SLC9A6: variants seen among roughly 807,000 people sequenced by gnomAD.
The protein encoded by SLC9A6 is sodium/hydrogen exchanger 6.
In SLC9A6, 6 loss-of-function variants were observed where a neutral mutation model predicts 45.3. The ratio of observed to expected loss-of-function variants is 0.13; its 90% CI spans 0.07 to 0.26. SLC9A6 has a LOEUF of 0.26. SLC9A6 is among the 10% of genes least tolerant of loss of function. The pLI, the probability that SLC9A6 is intolerant of heterozygous loss-of-function variation, is 1.00. For synonymous variants in SLC9A6, 191 were observed against 187.7 expected, an observed-to-expected ratio of 1.02 and a Z score of -0.14; for missense variants, 278 against 503.7, an observed-to-expected ratio of 0.55 and a Z score of 4.29.
At chrX:135,981,926 C>T (rs916922710), upstream of SLC9A6, among the ~76,000 whole-genome samples, 3 of 112,444 alleles carry the variant, frequency 2.7e-5, no homozygotes, top group Non-Finnish European at 5.6e-5. Context: ...GTCTCTTTTG[C>T]AACTGCTCAA....
intron 1 of SLC9A6, among the ~76,000 whole-genome samples, chrX:135,976,468 G>C (rs1556613364): frequency 2.7e-5 from 3 of 110,024 alleles, no homozygotes; most frequent in East Asian, 2.8e-4. Flanking sequence ...CGGGCGTGGT[G>C]GTGGGCCCCT....
At position 135,985,612 on chromosome X, in the gene SLC9A6, T is replaced by C. The variant is rs1556614753; in HGVS notation, c.-47T>C. 7 of 1,209,420 alleles carry C rather than the reference T, an allele frequency of 5.8e-6. No homozygotes were observed. The highest frequency in any genetic ancestry group is 7.8e-6 in the Non-Finnish European group (7 of 894,630). Reference sequence around the variant, plus strand: ...TGGTTGCTCCTCGCAGTGGGCGTCTTTGACTGGGCAGGGGCTTCGGACGGC... The same window carrying C: ...TGGTTGCTCCTCGCAGTGGGCGTCTCTGACTGGGCAGGGGCTTCGGACGGC... On this transcript the variant is annotated 5_prime_UTR_variant, in exon 2 of 18. Transcript: ENST00000630721.
chrX:136,018,685 G>A (rs2071067437), intron 11 of SLC9A6, among the ~76,000 whole-genome samples: 1 of 111,574 alleles, frequency 9.0e-6, no homozygotes, highest in Non-Finnish European at 1.9e-5. Context: ...AATATGGAAG[G>A]AGCAATTGTG....
intron 2 of SLC9A6, among the ~76,000 whole-genome samples, chrX:135,992,164 C>T (rs2089442601): frequency 8.9e-6 from 1 of 111,774 alleles, no homozygotes; most frequent in Non-Finnish European, 1.9e-5. Context: ...TCCTTGTTAT[C>T]CCCCTCGGTG....
At position 135,994,836 on chromosome X, in the gene SLC9A6, G is replaced by A. The variant is rs781798443; in HGVS notation, c.220G>A (p.Val74Ile). The change falls in exon 3 of 18, where the codon GTA becomes ATA. Residue 74 changes from valine (V) to isoleucine (I), a missense_variant. This residue lies in a region of SLC9A6 where 118 missense variants were observed against 209.9 expected (regional missense o/e 0.56). Coordinates refer to ENST00000630721, the MANE Select transcript of SLC9A6 (RefSeq NM_001379110.1). ...LRYGIHVPSD[V>I]NNVTLSCEVQ... is the part of the protein sequence containing the mutation. ...GTATGGCATTCATGTTCCGAGTGATGTAAATAATGTGACCCTGAGCTGTGA... is the reference window on the plus strand; with the variant it reads ...GTATGGCATTCATGTTCCGAGTGATATAAATAATGTGACCCTGAGCTGTGA... The A allele has an allele frequency of 1.3e-5, 16 of 1,209,637 alleles. No individual in the cohort carries two copies. In the East Asian group the frequency reaches 4.7e-4, roughly 36 times the overall value.
intron 15 of SLC9A6, among the ~76,000 whole-genome samples, chrX:136,031,751 G>A (rs782692043): frequency 1.8e-5 from 2 of 111,832 alleles, no homozygotes; most frequent in Non-Finnish European, 3.8e-5. Flanking sequence ...AGAAAGCACA[G>A]AGGAACCTTA....
intron 7 of SLC9A6, among the ~76,000 whole-genome samples, chrX:136,008,741 C>T (rs2070866147): frequency 9.0e-6 from 1 of 111,462 alleles, no homozygotes; most frequent in Non-Finnish European, 1.9e-5. Context: ...CATTTTATTA[C>T]TTTCAGGGTT....
chrX:136,014,866 A>G (rs1556619100), intron 10 of SLC9A6, among the ~76,000 whole-genome samples: 2 of 112,793 alleles, frequency 1.8e-5, no homozygotes, highest in Admixed American at 9.4e-5. Context: ...AAATATGAGG[A>G]ATAGGAATCC....
chrX:135,992,869 G>A (rs1477619635), intron 2 of SLC9A6, among the ~76,000 whole-genome samples: 2 of 111,665 alleles, frequency 1.8e-5, no homozygotes, highest in Non-Finnish European at 3.8e-5. Flanking sequence ...CAACTGGACC[G>A]AGTTTTCCTT....
At chrX:136,011,325 C>T (rs782761344) in intron 8 of SLC9A6, among the ~76,000 whole-genome samples, 12 of 112,103 alleles carry the variant, frequency 1.1e-4, no homozygotes, top group South Asian at 3.7e-4. Context: ...CTGCAACCTC[C>T]GCCTCCCGAG....
intron 8 of SLC9A6, among the ~76,000 whole-genome samples, chrX:136,012,306 T>A (rs1333966374): frequency 3.6e-5 from 4 of 112,416 alleles, no homozygotes; most frequent in Non-Finnish European, 7.5e-5. Flanking sequence ...TAGTATCTCT[T>A]CCCCATTACA....
chrX:136,008,226 T>G (rs1247102523), intron 7 of SLC9A6, among the ~76,000 whole-genome samples: 1 of 111,707 alleles, frequency 9.0e-6, no homozygotes, highest in East Asian at 2.8e-4. Flanking sequence ...ACTGTAGTTA[T>G]AAAGACTATG....
At chrX:136,031,047 G>A in intron 15 of SLC9A6, among the ~76,000 whole-genome samples, 1 of 111,925 alleles carries the variant, frequency 8.9e-6, no homozygotes, top group Non-Finnish European at 1.9e-5. Flanking sequence ...GAGTGTGAAT[G>A]TATGTATGAG....
Position 136,024,322 on chromosome X carries a change from C to T in SLC9A6, c.1307-8C>T, listed in dbSNP as rs2071191984. 1 of 1,210,010 alleles carries T rather than the reference C, an allele frequency of 8.3e-7. No homozygotes were observed. The highest frequency in any genetic ancestry group is 1.1e-6 in the Non-Finnish European group (1 of 894,199). On this transcript the variant is annotated splice_region_variant and splice_polypyrimidine_tract_variant and intron_variant, in intron 12 of 17. Coordinates refer to ENST00000630721, the MANE Select transcript of SLC9A6 (RefSeq NM_001379110.1). ...TATTGAAGAAATACCTTTTCTGTTC[C>T]CCTGTAGGCCTTCGTGGTGCAATGG...
intron 11 of SLC9A6, among the ~76,000 whole-genome samples, chrX:136,018,132 T>G (rs1440814430): frequency 8.9e-6 from 1 of 111,875 alleles, no homozygotes; most frequent in African/African-American, 3.3e-5. Context: ...CCTGGTACAG[T>G]GTGGGTGGGG....
chrX:135,998,961 T>C lies in SLC9A6; in HGVS notation c.630T>C (p.Thr210=), dbSNP rs1556617019. The part of the protein sequence containing the change: ...CLLFGAIVSA[T]DPVTVLAIFH... The stretch of plus-strand genomic sequence containing the variant: ...TGTTTGGTGCCATTGTATCAGCAAC[T>C]GATCCAGGTATGTTTTATATGAGTG... The change falls in exon 6 of 18, where the codon ACT becomes ACC. Residue 210 remains threonine, a synonymous_variant. Coordinates refer to ENST00000630721, the MANE Select transcript of SLC9A6 (RefSeq NM_001379110.1). The C allele has an allele frequency of 8.7e-7, 1 of 1,152,458 alleles. No individual in the cohort carries two copies. Among genetic ancestry groups the C allele is most frequent in the Admixed American group, 2.2e-5 (1 of 45,943 alleles). The allele number at this position is 1,152,458 out of a possible 1,213,427, so 95.0% of individuals were successfully genotyped here. A position where few individuals can be genotyped will look rare whatever the true frequency, so the allele number is the denominator to read the frequency against.
At chrX:135,996,343 T>C (rs1556616495) in intron 3 of SLC9A6, among the ~76,000 whole-genome samples, 1 of 111,386 alleles carries the variant, frequency 9.0e-6, no homozygotes. Flanking sequence ...CTTGGTTGTG[T>C]TTCTGACCAT....
intron 7 of SLC9A6, among the ~76,000 whole-genome samples, chrX:136,007,597 A>T (rs1239103752): frequency 8.9e-6 from 1 of 112,097 alleles, no homozygotes; most frequent in Non-Finnish European, 1.9e-5. Context: ...CACTATTAGG[A>T]TTTTAATCCA....
rs184821962 is a variant in SLC9A6 at position 136,042,811 on chromosome X, C to G, written c.1768-1641C>G. 1.4e-4 allele frequency among the ~76,000 whole-genome samples: 15 copies of G among 110,804 alleles called. No individual in the cohort carries two copies. In the Admixed American group the frequency reaches 1.4e-3, roughly 11 times the overall value. ...ATATGTGAGTATGTTAGATGTCTTACCTTCTCTTTTCATGGCTACGTCCTA... is the reference window on the plus strand; with the variant it reads ...ATATGTGAGTATGTTAGATGTCTTAGCTTCTCTTTTCATGGCTACGTCCTA... On this transcript the variant is annotated intron_variant, in intron 17 of 17. Transcript: ENST00000630721.
Sources: allele counts gnomAD v4.1 joint callset (sites outside exome capture counted in the v4.1 genomes callset), GRCh38; gene constraint gnomAD v4.1.1; regional missense constraint gnomAD v4.1.1; transcripts MANE v1.5; gene names NCBI Gene and HGNC (gene_info 2026-07-23, HGNC 2026-07-21).